The following HOXB3 variants were observed in gnomAD, a reference collection of about 807,000 sequenced individuals.
HOXB3 encodes homeobox protein Hox-B3.
HOXB3 carries 17 observed loss-of-function variants against 29.2 expected under a neutral mutation model. The ratio of observed to expected loss-of-function variants is 0.58; its 90% CI spans 0.40 to 0.87. The LOEUF is 0.87. HOXB3 is among the 40% of genes least tolerant of loss of function. The pLI is 0.00. For synonymous variants in HOXB3, 317 were observed against 285.9 expected (o/e 1.11, Z -1.10); for missense variants, 637 against 616.3 (o/e 1.03, Z -0.35).
chr17:48,551,263 TTTC>T, intron 4 of HOXB3, 82 bp from the exon 5 acceptor site: 2 of 1,231,394 alleles, frequency 1.6e-6, no homozygotes, highest in Non-Finnish European at 2.0e-6. Flanking sequence ...GAATGCATCG[TTTC>T]TTAATAAATC....
intron 1 of HOXB3, among the ~76,000 whole-genome samples, chr17:48,586,179 T>C (rs1041721042): frequency 1.3e-5 from 2 of 152,106 alleles, no homozygotes; most frequent in Non-Finnish European, 2.9e-5. Context: ...AGAGGAACTT[T>C]AGGGGGAGAA....
At chr17:48,564,836 G>C (rs994762402) in intron 2 of HOXB3, among the ~76,000 whole-genome samples, 1 of 152,218 alleles carries the variant, frequency 6.6e-6, no homozygotes, top group African/African-American at 2.4e-5. Flanking sequence ...GAGCAATGGC[G>C]AGGGGGCAAT....
chr17:48,576,812 CT>C (rs2069780210), intron 1 of HOXB3: 1 of 1,614,132 alleles, frequency 6.2e-7, no homozygotes, highest in African/African-American at 1.3e-5. Context: ...TGTTGGGCAA[CT>C]TGTGGTCTTT....
chr17:48,551,846 G>A (rs938027306), intron 4 of HOXB3, among the ~76,000 whole-genome samples, 181 bp downstream of exon 4: 2 of 152,242 alleles, frequency 1.3e-5, no homozygotes, highest in Admixed American at 6.5e-5. Context: ...GCAGCTAGAG[G>A]GAGGAGGGTG....
chr17:48,585,411 G>T (rs1006917053), intron 1 of HOXB3, among the ~76,000 whole-genome samples: 13 of 152,232 alleles, frequency 8.5e-5, no homozygotes, highest in Admixed American at 8.5e-4. Flanking sequence ...AGAAGGGGCC[G>T]CTGTGCTCAC....
intron 2 of HOXB3, among the ~76,000 whole-genome samples, chr17:48,566,430 C>CA (rs2144831236): frequency 6.9e-6 from 1 of 143,998 alleles, no homozygotes; most frequent in South Asian, 2.2e-4. Flanking sequence ...CCAGAGGAGA[C>CA]AAAGACCTGA....
rs140894509 is a variant in HOXB3, at chr17:48,571,635, G to A, written c.-247+2202C>T. Among the ~76,000 whole-genome samples the A allele has an allele frequency of 7.9e-5, 12 of 152,256 alleles. No individual in the cohort carries two copies. In the East Asian group the frequency reaches 2.3e-3, roughly 29 times the overall value. On this transcript the variant is annotated intron_variant, in intron 2 of 4. Transcript: ENST00000498678. ...GCAGAAAGCAGTTTGTAAAGTCCTCGGCGACTAGGTCTTTGTCACTTGAGC... is the reference window on the plus strand; with the variant it reads ...GCAGAAAGCAGTTTGTAAAGTCCTCAGCGACTAGGTCTTTGTCACTTGAGC...
intron 1 of HOXB3, among the ~76,000 whole-genome samples, chr17:48,577,557 C>T (rs774421057): frequency 1.3e-5 from 2 of 152,218 alleles, no homozygotes; most frequent in Non-Finnish European, 2.9e-5. Flanking sequence ...CCTCCACCTC[C>T]TCCACCCCTC....
Position 48,577,802 on chromosome 17 carries a change from C to T in HOXB3, c.-424-3788G>A, listed in dbSNP as rs916169008. 10 of 1,334,220 alleles carry T rather than the reference C, an allele frequency of 7.5e-6. No homozygotes were observed. The African/African-American group carries it at 1.5e-4, about 20-fold the overall frequency. 82.6% of individuals were successfully genotyped at this position (1,334,220 alleles called of 1,614,324 possible). ...TCAACCCCCCCCCAACCCATGCCTC[C>T]GAAGTCCCTTTGGTGTAAAGCTCCA... On this transcript the variant is annotated intron_variant, in intron 1 of 4. Coordinates refer to ENST00000498678, the MANE Select transcript of HOXB3 (RefSeq NM_001384749.1).
chr17:48,578,062 C>A (rs2069827453), intron 1 of HOXB3: 1 of 198,608 alleles, frequency 5.0e-6, no homozygotes, highest in Non-Finnish European at 6.2e-6. Flanking sequence ...ACAGACCGGG[C>A]GGTGGCGGGG....
At chr17:48,564,956 T>C (rs1289953818) in intron 2 of HOXB3, among the ~76,000 whole-genome samples, 1 of 152,206 alleles carries the variant, frequency 6.6e-6, no homozygotes, top group Non-Finnish European at 1.5e-5. Flanking sequence ...TTTCTTGTTC[T>C]TTCCTGTAAG....
intron 1 of HOXB3, chr17:48,577,855 G>A (rs2069816524): frequency 4.3e-6 from 6 of 1,401,790 alleles, no homozygotes; most frequent in African/African-American, 3.0e-5. Context: ...GGGTGCCCAC[G>A]CACTCACCCG....
Position 48,554,414 on chromosome 17 carries a change from C to G in HOXB3, c.-159+1117G>C, listed in dbSNP as rs973309529. 7.1e-6 allele frequency: 4 copies of G among 560,884 alleles called. No homozygotes were observed. The highest frequency in any genetic ancestry group is 1.3e-5 in the Non-Finnish European group (4 of 315,462). 34.7% of individuals were successfully genotyped at this position (560,884 alleles called of 1,614,324 possible). ...GCCTGGGGCCGAAATTCCTGCCGCT[C>G]CCCTTGCAATAAACCCCAAACCATC... On this transcript the variant is annotated intron_variant, in intron 3 of 4. Transcript: ENST00000498678. This position sits in a 1 kb window ranked among gnomAD's most constrained non-coding sequence, Gnocchi z 4.1.
intron 2 of HOXB3, among the ~76,000 whole-genome samples, chr17:48,572,986 C>T (rs1365241285): frequency 1.3e-5 from 2 of 152,180 alleles, no homozygotes; most frequent in South Asian, 4.1e-4. Context: ...GCCAGCCTCC[C>T]GCCTCCAAAC....
chr17:48,587,546 T>C (rs1322631239), intron 1 of HOXB3, among the ~76,000 whole-genome samples: 2 of 152,180 alleles, frequency 1.3e-5, no homozygotes, highest in African/African-American at 2.4e-5. Flanking sequence ...CTCAGAATCC[T>C]TGGCCTGCAA....
Position 48,573,817 on chromosome 17 carries a change from C to T in HOXB3, c.-247+20G>A. 1 of 701,686 alleles carries T rather than the reference C, an allele frequency of 1.4e-6. No homozygotes were observed. The highest frequency in any genetic ancestry group is 2.6e-6 in the Non-Finnish European group (1 of 384,668). The allele number at this position is 701,686 out of a possible 1,614,324, so 43.5% of individuals were successfully genotyped here. ...CATAAAACGATCAAAACACGCCAGC[C>T]CGGGCCCGGGCTTTGTTACCTTTGC... On this transcript the variant is annotated intron_variant, in intron 2 of 4. Coordinates refer to ENST00000498678, the MANE Select transcript of HOXB3 (RefSeq NM_001384749.1).
rs528149152 is a variant in HOXB3, at chr17:48,567,015, G to A, written c.-247+6822C>T. 2.0e-5 allele frequency among the ~76,000 whole-genome samples: 3 copies of A among 152,310 alleles called. No individual in the cohort carries two copies. In the East Asian group the frequency reaches 5.8e-4, roughly 29 times the overall value. ...TTCCCACCTCCTCACAATCTCCAGTGCTGTCAAAGCTGCCCCTGTATCCAG... is the reference window on the plus strand; with the variant it reads ...TTCCCACCTCCTCACAATCTCCAGTACTGTCAAAGCTGCCCCTGTATCCAG... On this transcript the variant is annotated intron_variant, in intron 2 of 4. Transcript: ENST00000498678.
chr17:48,555,218 A>C (rs2068915764), intron 3 of HOXB3, among the ~76,000 whole-genome samples: 1 of 151,948 alleles, frequency 6.6e-6, no homozygotes, highest in African/African-American at 2.4e-5. Flanking sequence ...AGACAGAGAA[A>C]GGTTGAGACT....
intron 1 of HOXB3, chr17:48,574,545 G>C (rs1391923738): frequency 1.3e-5 from 2 of 152,166 alleles, no homozygotes; most frequent in African/African-American, 4.8e-5. Flanking sequence ...GAAAGGAGAT[G>C]GGACTGAAAA....
Sources: allele counts gnomAD v4.1 joint callset (sites outside exome capture counted in the v4.1 genomes callset), GRCh38; gene constraint gnomAD v4.1.1; non-coding constraint Gnocchi (gnomAD v3.1); transcripts MANE v1.5; gene names NCBI Gene and HGNC (gene_info 2026-07-23, HGNC 2026-07-21).